The following STAU2 variants were observed in gnomAD, a reference collection of about 807,000 sequenced individuals.
The protein encoded by STAU2 is double-stranded RNA-binding protein Staufen homolog 2.
In STAU2, 20 loss-of-function variants were observed where a neutral mutation model predicts 65.9. That is an observed-to-expected ratio of 0.30 (90% CI 0.21 to 0.44). The LOEUF (loss-of-function observed/expected upper bound fraction) is 0.44, where lower values mean the gene tolerates loss of function less well. STAU2 is among the 20% of genes least tolerant of loss of function. The probability of loss-of-function intolerance (pLI) is 1.00; values close to 1 mark genes in which losing one functional copy is unlikely to be tolerated. For synonymous variants in STAU2, 232 were observed against 233.9 expected (o/e 0.99, Z 0.07); for missense variants, 558 against 683.9 (o/e 0.82, Z 2.05).
intron 6 of STAU2, among the ~76,000 whole-genome samples, chr8:73,670,275 T>A (rs1018833753): frequency 3.3e-5 from 5 of 152,016 alleles, no homozygotes; most frequent in African/African-American, 7.3e-5. Context: ...GCAGAGATGT[T>A]ACAGGAGAGA....
At chr8:73,600,994 A>T in intron 10 of STAU2, among the ~76,000 whole-genome samples, 1 of 152,256 alleles carries the variant, frequency 6.6e-6, no homozygotes, top group East Asian at 1.9e-4. Flanking sequence ...AAAGTTAAGT[A>T]AGTTTATAAA....
chr8:73,688,517 T>TAG (rs1819107954), intron 5 of STAU2, 137 bp downstream of exon 5: 6 of 740,856 alleles, frequency 8.1e-6, no homozygotes, highest in Non-Finnish European at 1.1e-5. Flanking sequence ...TGTGTGTGTG[T>TAG]GTGTGTGTGT....
intron 12 of STAU2, among the ~76,000 whole-genome samples, chr8:73,560,204 C>T (rs1228055258): frequency 2.0e-5 from 3 of 151,806 alleles, no homozygotes; most frequent in Non-Finnish European, 4.4e-5. Flanking sequence ...ACTCAGCCTC[C>T]CGAGTAGCTG....
intron 6 of STAU2, among the ~76,000 whole-genome samples, chr8:73,634,637 C>A (rs1814360250): frequency 6.6e-6 from 1 of 152,222 alleles, no homozygotes; most frequent in African/African-American, 2.4e-5. Context: ...CCAGTCACAT[C>A]TCTGGCTTCT....
intron 1 of STAU2, among the ~76,000 whole-genome samples, chr8:73,743,319 T>A (rs1807016245): frequency 6.6e-6 from 1 of 152,148 alleles, no homozygotes; most frequent in Non-Finnish European, 1.5e-5. Flanking sequence ...ATCCTCATCA[T>A]CTTGGGATGT....
At chr8:73,444,522 G>A (rs1409058188) in intron 13 of STAU2, among the ~76,000 whole-genome samples, 5 of 152,172 alleles carry the variant, frequency 3.3e-5, no homozygotes, top group Admixed American at 6.5e-5. Context: ...GCTGTGAGCT[G>A]AGAATTCTGA....
At chr8:73,736,345 G>A (rs1033442198) in intron 3 of STAU2, among the ~76,000 whole-genome samples, 1 of 152,100 alleles carries the variant, frequency 6.6e-6, no homozygotes, top group Non-Finnish European at 1.5e-5. Context: ...TATTTACATT[G>A]TTTATTCTAG....
intron 1 of STAU2, chr8:73,742,360 G>A (rs192453293): frequency 2.4e-5 from 9 of 370,550 alleles, no homozygotes; most frequent in East Asian, 1.6e-4. Context: ...CGGCAAAATC[G>A]TCTCTACTAA....
intron 3 of STAU2, among the ~76,000 whole-genome samples, chr8:73,723,429 T>A (rs1361807058): frequency 2.0e-5 from 3 of 152,270 alleles, no homozygotes; most frequent in Non-Finnish European, 4.4e-5. Context: ...TCTGTAGATT[T>A]ATGGCTTAAG....
intron 12 of STAU2, among the ~76,000 whole-genome samples, chr8:73,569,867 G>A (rs1457577494): frequency 6.6e-6 from 1 of 152,218 alleles, no homozygotes; most frequent in Non-Finnish European, 1.5e-5. Context: ...AGAAACCAGA[G>A]CAGGAAAGCT....
At chr8:73,500,971 G>GT (rs1469304755) in intron 13 of STAU2, among the ~76,000 whole-genome samples, 1 of 151,830 alleles carries the variant, frequency 6.6e-6, no homozygotes, top group Non-Finnish European at 1.5e-5. Flanking sequence ...ATTTCAAAAT[G>GT]TTTTATTATA....
At chr8:73,582,441 T>A (rs937630317) in intron 12 of STAU2, among the ~76,000 whole-genome samples, 82 of 150,086 alleles carry the variant, frequency 5.5e-4, no homozygotes, top group Non-Finnish European at 9.8e-4. Flanking sequence ...ATAAAAATTA[T>A]TTTTATATTA....
At chr8:73,479,704 T>TAAATA (rs199749509) in intron 13 of STAU2, among the ~76,000 whole-genome samples, 1 of 70,330 alleles carries the variant, frequency 1.4e-5, no homozygotes, top group African/African-American at 6.1e-5. Context: ...AAGATACACT[T>TAAATA]AAATATACGT....
chr8:73,723,521 T>C (rs1485330487), intron 3 of STAU2, among the ~76,000 whole-genome samples: 1 of 152,250 alleles, frequency 6.6e-6, no homozygotes, highest in African/African-American at 2.4e-5. Flanking sequence ...TATTCATCTA[T>C]TTGGCTGCTT....
At position 73,650,840 on chromosome 8, in the gene STAU2, G is replaced by A. The variant is rs947310357; in HGVS notation, c.410+22267C>T. On this transcript the variant is annotated intron_variant, in intron 6 of 14. Coordinates refer to ENST00000524300, the MANE Select transcript of STAU2 (RefSeq NM_001164380.2). ...AGAAAGTTTCCTTTTCAGTTCCCAAGAAGAGACTCTGAAAATAAAGGGCAA... is the reference window on the plus strand; with the variant it reads ...AGAAAGTTTCCTTTTCAGTTCCCAAAAAGAGACTCTGAAAATAAAGGGCAA... 7.9e-5 allele frequency among the ~76,000 whole-genome samples: 12 copies of A among 152,182 alleles called. No individual in the cohort carries two copies. The South Asian group carries it at 1.0e-3, about 13-fold the overall frequency.
At chr8:73,450,578 A>C (rs1818750511) in intron 13 of STAU2, among the ~76,000 whole-genome samples, 1 of 152,228 alleles carries the variant, frequency 6.6e-6, no homozygotes, top group Non-Finnish European at 1.5e-5. Context: ...TTCAAAATAT[A>C]ATACAGGTAA....
At chr8:73,700,719 C>T (rs770151117) in intron 4 of STAU2, among the ~76,000 whole-genome samples, 10 of 151,866 alleles carry the variant, frequency 6.6e-5, no homozygotes, top group South Asian at 2.1e-4. Context: ...ACAGACTCAA[C>T]GCATTCCCTA....
In STAU2 at chr8:73,613,868, C is replaced by T. The variant is rs1460114870; in HGVS notation, c.767G>A (p.Ser256Asn). 6.2e-7 allele frequency: 1 copy of T among 1,613,658 alleles called. No homozygotes were observed. Among genetic ancestry groups the T allele is most frequent in the African/African-American group, 1.3e-5 (1 of 74,948 alleles). ...GEFSAEGEGN[S>N]KKLSKKRAAT... The stretch of plus-strand genomic sequence containing the variant: ...AGCGCGCTTCTTGGAGAGTTTTTTG[C>T]TATTTCCTTCTCCTTCTGCAGAGAA... Residue 256 changes from serine (S) to asparagine (N), a missense_variant, in exon 9 of 15, where the codon AGC (serine) becomes AAC (asparagine). This residue lies in a region of STAU2 where 199 missense variants were observed against 299.5 expected (regional missense o/e 0.66). Transcript: ENST00000524300.
chr8:73,459,697 A>T (rs1174186369), intron 13 of STAU2, among the ~76,000 whole-genome samples: 2 of 152,180 alleles, frequency 1.3e-5, no homozygotes, highest in African/African-American at 4.8e-5. Flanking sequence ...ATATCGTCAC[A>T]TCCCACACAT....
Sources: gnomAD v4.1 joint callset for allele counts (sites outside exome capture counted in the v4.1 genomes callset) on GRCh38, gnomAD v4.1.1 for gene constraint, gnomAD v4.1.1 regional missense constraint, MANE v1.5 for transcripts, NCBI Gene and HGNC (gene_info 2026-07-23, HGNC 2026-07-21) for gene names.